Variants in CDH20 observed in about 807,000 individuals in gnomAD.
CDH20 encodes the protein cadherin-20.
Under a neutral mutation model 74.2 loss-of-function variants are expected in CDH20, and 29 were observed. That is an observed-to-expected ratio of 0.39 (90% CI 0.29 to 0.53). CDH20 has a LOEUF of 0.53. Ranked by LOEUF, CDH20 falls within the 20% of genes least tolerant of loss-of-function variation. The pLI is 0.69. For missense variants in CDH20, 988 were observed against 1,048.3 expected, an observed-to-expected ratio of 0.94 and a Z score of 0.79; for synonymous variants, 469 against 405.4, an observed-to-expected ratio of 1.16 and a Z score of -1.88.
At chr18:61,336,770 C>T (rs984038159) in intron 1 of CDH20, among the ~76,000 whole-genome samples, 1 of 142,700 alleles carries the variant, frequency 7.0e-6, no homozygotes, top group Non-Finnish European at 1.5e-5. Context: ...TAAAGAGACA[C>T]GGAAGGAAGA....
intron 1 of CDH20, among the ~76,000 whole-genome samples, chr18:61,446,452 T>C (rs184769563): frequency 6.6e-6 from 1 of 152,304 alleles, no homozygotes; most frequent in East Asian, 1.9e-4. Context: ...TTTTTCTCCA[T>C]ATCCTTCAAG....
chr18:61,534,477 C>T (rs1478281935), intron 7 of CDH20, among the ~76,000 whole-genome samples: 2 of 152,216 alleles, frequency 1.3e-5, no homozygotes, highest in African/African-American at 2.4e-5. Flanking sequence ...CAGAAACAAC[C>T]TTAGTGCCCA....
intron 2 of CDH20, among the ~76,000 whole-genome samples, chr18:61,493,990 C>T (rs1277366910): frequency 6.6e-6 from 1 of 152,152 alleles, no homozygotes; most frequent in Non-Finnish European, 1.5e-5. Context: ...GGGTAGCTCA[C>T]GTTTTATTGG....
chr18:61,458,807 T>C (rs1443677515), intron 1 of CDH20, among the ~76,000 whole-genome samples: 2 of 152,340 alleles, frequency 1.3e-5, no homozygotes, highest in Non-Finnish European at 2.9e-5. Flanking sequence ...GAGTAAATCT[T>C]CCAAATTTAA....
intron 2 of CDH20, among the ~76,000 whole-genome samples, chr18:61,495,941 C>T (rs545274771): frequency 5.8e-4 from 88 of 152,078 alleles, no homozygotes; most frequent in African/African-American, 2.0e-3. Context: ...TGAGATGCTT[C>T]CTGCTTCCCT....
chr18:61,389,922 G>C (rs749916497), intron 1 of CDH20, among the ~76,000 whole-genome samples: 10 of 152,100 alleles, frequency 6.6e-5, no homozygotes, highest in Non-Finnish European at 1.5e-4. Flanking sequence ...TCTTTCTGGT[G>C]ATCATTTTGC....
rs192953692 is a variant in CDH20, at chr18:61,545,902, C to T, written c.1648+758C>T. Among the ~76,000 whole-genome samples the T allele has an allele frequency of 2.0e-5, 3 of 152,220 alleles. No individual in the cohort carries two copies. In the East Asian group the frequency reaches 5.8e-4, roughly 29 times the overall value. ...GCTTTGATGGAACAGAATTCTAGGC[C>T]CCTTTTTTCCAACAAGCATTCAGAC... On this transcript the variant is annotated intron_variant, in intron 10 of 11. Coordinates refer to ENST00000262717, the MANE Select transcript of CDH20 (RefSeq NM_031891.4).
intron 1 of CDH20, among the ~76,000 whole-genome samples, chr18:61,385,188 T>A (rs1378001135): frequency 1.3e-5 from 2 of 152,186 alleles, no homozygotes; most frequent in African/African-American, 4.8e-5. Flanking sequence ...TAAACTATAT[T>A]TACCTTAAGC....
At chr18:61,456,281 C>T (rs1568146503) in intron 1 of CDH20, among the ~76,000 whole-genome samples, 3 of 152,150 alleles carry the variant, frequency 2.0e-5, no homozygotes, top group African/African-American at 4.8e-5. Context: ...CAAAGCGTGA[C>T]CTGGCCTGGA....
chr18:61,491,140 A>G (rs914537445), intron 2 of CDH20, among the ~76,000 whole-genome samples: 3 of 152,220 alleles, frequency 2.0e-5, no homozygotes, highest in Non-Finnish European at 2.9e-5. Context: ...TTGGAAATAC[A>G]AGAAGAGTAC....
intron 1 of CDH20, among the ~76,000 whole-genome samples, chr18:61,462,140 G>GT (rs1276094129): frequency 2.0e-5 from 3 of 152,066 alleles, no homozygotes; most frequent in Non-Finnish European, 4.4e-5. Context: ...AAAAGTTGGG[G>GT]TTTTCCTTTT....
chr18:61,554,473 C>T lies in CDH20; in HGVS notation c.2184C>T (p.Ala728=), dbSNP rs1274343383. 6.2e-7 allele frequency: 1 copy of T among 1,613,146 alleles called. No individual in the cohort carries two copies. Among genetic ancestry groups the T allele is most frequent in the Non-Finnish European group, 8.5e-7 (1 of 1,179,838 alleles). ...VNSTVHSYVL[A]KLYEADMDLW... Reference sequence around the variant, plus strand: ...GCACTGTCCACAGCTACGTGCTGGCCAAGCTCTACGAGGCCGACATGGACC... The same window carrying T: ...GCACTGTCCACAGCTACGTGCTGGCTAAGCTCTACGAGGCCGACATGGACC... The change falls in exon 12 of 12, where the codon GCC becomes GCT. Residue 728 remains alanine (A), a synonymous_variant. Transcript: ENST00000262717.
intron 1 of CDH20, among the ~76,000 whole-genome samples, chr18:61,335,721 A>G (rs1495805): frequency 0.51 from 77,134 of 152,092 alleles, 20,130 homozygotes; most frequent in African/African-American, 0.62. Flanking sequence ...CCAAAAAAAT[A>G]CTTTGAGCAT....
chr18:61,414,772 T>C (rs1912631541), intron 1 of CDH20, among the ~76,000 whole-genome samples: 1 of 151,892 alleles, frequency 6.6e-6, no homozygotes, highest in East Asian at 1.9e-4. Flanking sequence ...AATTTTTTTA[T>C]GTTTATTAAA....
chr18:61,405,123 ACATGCTTCT>A (rs1204442983), intron 1 of CDH20: 6 of 638,352 alleles, frequency 9.4e-6, no homozygotes, highest in Non-Finnish European at 1.8e-5. Context: ...GTACCCCAGC[ACATGCTTCT>A]CACTTTTTAT....
At chr18:61,516,260 C>T (rs756752368) in intron 6 of CDH20, among the ~76,000 whole-genome samples, 3 of 152,216 alleles carry the variant, frequency 2.0e-5, no homozygotes, top group Non-Finnish European at 4.4e-5. Context: ...AAACTTTTTG[C>T]ACTGTTCAAT....
intron 1 of CDH20, among the ~76,000 whole-genome samples, chr18:61,370,238 C>G (rs561704942): frequency 1.3e-5 from 2 of 152,110 alleles, no homozygotes; most frequent in South Asian, 4.2e-4. Flanking sequence ...GAAACAATAT[C>G]AAGTTTCCCA....
intron 1 of CDH20, among the ~76,000 whole-genome samples, chr18:61,457,433 A>G (rs1909610467): frequency 6.6e-6 from 1 of 152,108 alleles, no homozygotes; most frequent in African/African-American, 2.4e-5. Flanking sequence ...TTTTCCTCAT[A>G]GATGAGGAAA....
chr18:61,521,800 T>C (rs955634650), intron 6 of CDH20, among the ~76,000 whole-genome samples: 3 of 143,924 alleles, frequency 2.1e-5, no homozygotes, highest in Non-Finnish European at 4.5e-5. Flanking sequence ...ATCCATCACA[T>C]AAACAGAACC....
Sources: allele counts gnomAD v4.1 joint callset (sites outside exome capture counted in the v4.1 genomes callset), GRCh38; gene constraint gnomAD v4.1.1; transcripts MANE v1.5; gene names NCBI Gene and HGNC (gene_info 2026-07-23, HGNC 2026-07-21).